SLC39A8: variants seen among roughly 807,000 people sequenced by gnomAD.
The protein encoded by SLC39A8 is solute carrier family 39 member 8, also known as metal cation symporter ZIP8.
Under a neutral mutation model 40.4 loss-of-function variants are expected in SLC39A8, and 15 were observed. The ratio of observed to expected loss-of-function variants is 0.37; its 90% CI spans 0.25 to 0.57. The LOEUF (loss-of-function observed/expected upper bound fraction) is 0.57, where lower values mean the gene tolerates loss of function less well. Among genes scored for constraint, SLC39A8 ranks in the 20% least tolerant of loss-of-function variants. The pLI is 0.75. For synonymous variants in SLC39A8, 223 were observed against 221.6 expected (o/e 1.01, Z -0.06); for missense variants, 472 against 558.8 (o/e 0.84, Z 1.57).
rs961986835 is a variant in SLC39A8 at position 102,306,462 on chromosome 4, T to C, written c.552+974A>G. ...GTGAAATAGATATTATCTTAGGTCCTAGATCAAATAATGATAATAAATCTA... is the reference window on the plus strand; with the variant it reads ...GTGAAATAGATATTATCTTAGGTCCCAGATCAAATAATGATAATAAATCTA... On this transcript the variant is annotated intron_variant, in intron 4 of 8. Transcript: ENST00000356736. Among the ~76,000 whole-genome samples, 5 of 151,966 alleles carry C rather than the reference T, an allele frequency of 3.3e-5. No individual in the cohort carries two copies. The East Asian group carries it at 7.8e-4, about 24-fold the overall frequency.
exon 12 of SLC39A8, chr4:102,251,393 G>C (rs1300866190): frequency 6.6e-6 from 1 of 152,250 alleles, no homozygotes; most frequent in East Asian, 1.9e-4. Flanking sequence ...CAGAGGGCCA[G>C]GTTCAGACAC....
chr4:102,319,277 C>A (rs1310000734), intron 2 of SLC39A8, among the ~76,000 whole-genome samples: 2 of 152,148 alleles, frequency 1.3e-5, no homozygotes, highest in Non-Finnish European at 2.9e-5. Flanking sequence ...ATGAAGGAAG[C>A]TCAAGGAATT....
intron 6 of SLC39A8, among the ~76,000 whole-genome samples, chr4:102,279,081 C>A (rs959900133): frequency 6.6e-6 from 1 of 151,684 alleles, no homozygotes; most frequent in African/African-American, 2.4e-5. Context: ...ATCACCATGG[C>A]ACATGTATAC....
chr4:102,301,624 T>TA (rs1384338900), intron 6 of SLC39A8, among the ~76,000 whole-genome samples: 1 of 152,038 alleles, frequency 6.6e-6, no homozygotes, highest in African/African-American at 2.4e-5. Flanking sequence ...AATAAGTAAA[T>TA]GAAAGCATTA....
intron 2 of SLC39A8, among the ~76,000 whole-genome samples, chr4:102,327,270 G>T (rs1307500634): frequency 3.3e-5 from 5 of 151,972 alleles, no homozygotes; most frequent in African/African-American, 4.8e-5. Context: ...CAAAAAAATT[G>T]TACACATTTA....
chr4:102,273,363 G>A (rs999603030), intron 6 of SLC39A8, among the ~76,000 whole-genome samples: 34 of 152,254 alleles, frequency 2.2e-4, no homozygotes, highest in East Asian at 3.9e-4. Flanking sequence ...ACCACAGCTC[G>A]GCAAAGCCAC....
intron 2 of SLC39A8, among the ~76,000 whole-genome samples, chr4:102,336,209 G>A (rs564057374): frequency 6.6e-6 from 1 of 152,204 alleles, no homozygotes; most frequent in South Asian, 2.1e-4. Context: ...TGTTAATATT[G>A]TTCTTATTTT....
chr4:102,316,499 A>G (rs1023892369), intron 2 of SLC39A8, among the ~76,000 whole-genome samples: 2 of 152,158 alleles, frequency 1.3e-5, no homozygotes, highest in African/African-American at 4.8e-5. Flanking sequence ...TTAGGAAAAA[A>G]ACTGCAAAAA....
chr4:102,258,436 C>G (rs904819542), downstream of SLC39A8, among the ~76,000 whole-genome samples: 2 of 152,092 alleles, frequency 1.3e-5, no homozygotes, highest in Non-Finnish European at 2.9e-5. Flanking sequence ...TCACACAGGA[C>G]TTTGGAGGGA....
intron 2 of SLC39A8, among the ~76,000 whole-genome samples, chr4:102,340,928 G>A (rs920457155): frequency 6.6e-6 from 1 of 152,206 alleles, no homozygotes; most frequent in African/African-American, 2.4e-5. Flanking sequence ...GGAAGATAAT[G>A]AGTTAAGAAG....
At chr4:102,287,939 G>T (rs1733253730) in intron 6 of SLC39A8, among the ~76,000 whole-genome samples, 1 of 152,036 alleles carries the variant, frequency 6.6e-6, no homozygotes, top group South Asian at 2.1e-4. Flanking sequence ...TATTTACAAA[G>T]TATGGGTATA....
chr4:102,315,298 T>C (rs895261011), intron 3 of SLC39A8, among the ~76,000 whole-genome samples: 2 of 152,082 alleles, frequency 1.3e-5, no homozygotes, highest in African/African-American at 4.8e-5. Flanking sequence ...GCAGATAAAC[T>C]GACAAGCTTT....
chr4:102,308,139 C>T (rs1415004420), intron 3 of SLC39A8, among the ~76,000 whole-genome samples: 1 of 152,008 alleles, frequency 6.6e-6, no homozygotes, highest in Non-Finnish European at 1.5e-5. Flanking sequence ...CTCCTGAGGA[C>T]AGCATCTCCT....
intron 6 of SLC39A8, among the ~76,000 whole-genome samples, chr4:102,282,639 G>C (rs752209008): frequency 2.6e-5 from 4 of 151,984 alleles, no homozygotes; most frequent in Non-Finnish European, 5.9e-5. Context: ...GCTGAATTAA[G>C]TAGAGAAATG....
chr4:102,293,976 A>T (rs149843195), intron 6 of SLC39A8, among the ~76,000 whole-genome samples: 4 of 151,966 alleles, frequency 2.6e-5, no homozygotes, highest in African/African-American at 9.6e-5. Context: ...TAATACATAC[A>T]AACTTGATAC....
intron 6 of SLC39A8, among the ~76,000 whole-genome samples, chr4:102,279,108 C>T (rs1732760693): frequency 6.6e-6 from 1 of 151,828 alleles, no homozygotes; most frequent in African/African-American, 2.4e-5. Flanking sequence ...AACAAACCTA[C>T]ACGTTCTGCA....
intron 6 of SLC39A8, among the ~76,000 whole-genome samples, chr4:102,303,416 C>T (rs1415285966): frequency 6.6e-6 from 1 of 151,966 alleles, no homozygotes; most frequent in South Asian, 2.1e-4. Context: ...ACCAGGAAGA[C>T]ACTTGCCAGA....
intron 6 of SLC39A8, among the ~76,000 whole-genome samples, chr4:102,277,694 A>G (rs538132278): frequency 2.8e-4 from 43 of 152,334 alleles, no homozygotes; most frequent in African/African-American, 8.9e-4. Context: ...CCTAAGCAAA[A>G]AGAACAAAGT....
At chr4:102,309,965 T>C (rs1052867313) in intron 3 of SLC39A8, among the ~76,000 whole-genome samples, 1 of 152,012 alleles carries the variant, frequency 6.6e-6, no homozygotes, top group Admixed American at 6.6e-5. Context: ...AACATGACAG[T>C]TATCGATCTG....
Sources: gnomAD v4.1 joint callset for allele counts (sites outside exome capture counted in the v4.1 genomes callset) on GRCh38, gnomAD v4.1.1 for gene constraint, MANE v1.5 for transcripts, NCBI Gene and HGNC (gene_info 2026-07-23, HGNC 2026-07-21) for gene names.